DLGAP2: variants seen among roughly 807,000 people sequenced by gnomAD.
The protein encoded by DLGAP2 is disks large-associated protein 2.
A neutral mutation model predicts 100.3 loss-of-function variants in DLGAP2; 26 were observed. The observed-to-expected ratio is 0.26, with a 90% confidence interval of 0.19 to 0.36. DLGAP2 has a LOEUF of 0.36. Among genes scored for constraint, DLGAP2 ranks in the 10% least tolerant of loss-of-function variants. The pLI, the probability that DLGAP2 is intolerant of heterozygous loss-of-function variation, is 1.00. For synonymous variants in DLGAP2, 886 were observed against 630.1 expected (o/e 1.41, Z -6.08); for missense variants, 1,858 against 1,453.2 (o/e 1.28, Z -4.53).
In DLGAP2 at chr8:835,881, G is replaced by T. The variant is rs183040805; in HGVS notation, c.19-72031G>T. Among the ~76,000 whole-genome samples the T allele has an allele frequency of 2.6e-5, 4 of 152,212 alleles. No homozygotes were observed. In the East Asian group the frequency reaches 7.7e-4, roughly 29 times the overall value. ...GGCTCACCGTCGCTGTCTCAGAACT[G>T]CTTTCCTGTTACGCTGCCGTAACTG... On this transcript the variant is annotated intron_variant, in intron 1 of 14. Coordinates refer to ENST00000637795, the MANE Select transcript of DLGAP2 (RefSeq NM_001346810.2).
intron 1 of DLGAP2, among the ~76,000 whole-genome samples, chr8:750,727 C>T (rs1214591613): frequency 1.3e-5 from 2 of 152,250 alleles, no homozygotes; most frequent in Non-Finnish European, 1.5e-5. Flanking sequence ...ATGCAGCCCC[C>T]ACGGCTCGCC....
intron 4 of DLGAP2, among the ~76,000 whole-genome samples, chr8:1,529,937 G>A (rs1455753850): frequency 6.6e-6 from 1 of 152,196 alleles, no homozygotes; most frequent in Admixed American, 6.5e-5. Context: ...GTGCGAATAG[G>A]TGTGGGTCAC....
At chr8:919,088 C>A (rs1010676095) in intron 2 of DLGAP2, among the ~76,000 whole-genome samples, 1 of 152,168 alleles carries the variant, frequency 6.6e-6, no homozygotes, top group African/African-American at 2.4e-5. Flanking sequence ...TTATAAGCAT[C>A]AGCTACTGTG....
chr8:1,576,617 C>T (rs2130623203), intron 6 of DLGAP2, among the ~76,000 whole-genome samples: 1 of 152,282 alleles, frequency 6.6e-6, no homozygotes, highest in African/African-American at 2.4e-5. Flanking sequence ...ACATGTAAGT[C>T]TTTAATCCAT....
intron 6 of DLGAP2, among the ~76,000 whole-genome samples, chr8:1,626,520 C>G (rs1419481439): frequency 0.04 from 4,291 of 107,982 alleles, 9 homozygotes; most frequent in African/African-American, 0.086. Context: ...CCCATCTCTA[C>G]CCTGCAGCAG....
chr8:1,447,078 C>A (rs1215270354), intron 3 of DLGAP2, among the ~76,000 whole-genome samples: 1 of 152,174 alleles, frequency 6.6e-6, no homozygotes, highest in African/African-American at 2.4e-5. Context: ...ATTGAATACC[C>A]TTTATTTCCT....
At chr8:1,486,058 C>A (rs1034759215) in intron 3 of DLGAP2, among the ~76,000 whole-genome samples, 19 of 152,172 alleles carry the variant, frequency 1.2e-4, no homozygotes, top group Non-Finnish European at 2.6e-4. Flanking sequence ...AAAGGAAGAT[C>A]AGTCATCAGC....
At chr8:813,946 G>C (rs1796417515) in intron 1 of DLGAP2, among the ~76,000 whole-genome samples, 1 of 152,062 alleles carries the variant, frequency 6.6e-6, no homozygotes, top group African/African-American at 2.4e-5. Context: ...ATGATAAAAA[G>C]TACAGGACAT....
chr8:756,064 A>G (rs988082274), intron 1 of DLGAP2, among the ~76,000 whole-genome samples: 1 of 152,128 alleles, frequency 6.6e-6, no homozygotes, highest in Admixed American at 6.5e-5. Context: ...CCAGGCTGTG[A>G]GGGCCTTTTA....
Position 1,506,244 on chromosome 8 carries a change from C to A in DLGAP2, c.172+4813C>A, listed in dbSNP as rs903774540. Among the ~76,000 whole-genome samples, 14 of 152,260 alleles carry A rather than the reference C, an allele frequency of 9.2e-5. No homozygotes were observed. The East Asian group carries it at 2.5e-3, about 27-fold the overall frequency. ...TATTTTTGTGTGTTCTTTCAAAAAACAAAAACCCAGCTCTACCTATACTTG... is the reference window on the plus strand; with the variant it reads ...TATTTTTGTGTGTTCTTTCAAAAAAAAAAAACCCAGCTCTACCTATACTTG... On this transcript the variant is annotated intron_variant, in intron 4 of 14. Coordinates refer to ENST00000637795, the MANE Select transcript of DLGAP2 (RefSeq NM_001346810.2).
chr8:1,524,099 C>T (rs888251711), intron 4 of DLGAP2, among the ~76,000 whole-genome samples: 6 of 152,284 alleles, frequency 3.9e-5, no homozygotes, highest in African/African-American at 9.6e-5. Flanking sequence ...CCACTCTGGA[C>T]GGCAGAACTG....
chr8:1,688,815 C>A (rs1311292816), intron 12 of DLGAP2, among the ~76,000 whole-genome samples: 1 of 152,206 alleles, frequency 6.6e-6, no homozygotes, highest in East Asian at 1.9e-4. Flanking sequence ...GGAGGCACCG[C>A]ACACACTGCT....
chr8:1,515,045 G>T (rs73672782), intron 4 of DLGAP2, among the ~76,000 whole-genome samples: 2,124 of 152,054 alleles, frequency 0.014, 50 homozygotes, highest in African/African-American at 0.049. Flanking sequence ...AGACCAACGT[G>T]CAGGGATACC....
chr8:1,425,082 A>G (rs1045789659), intron 3 of DLGAP2, among the ~76,000 whole-genome samples: 1 of 152,222 alleles, frequency 6.6e-6, no homozygotes, highest in African/African-American at 2.4e-5. Flanking sequence ...AGTTTTTAGT[A>G]AACTTGTATA....
At chr8:1,686,977 GC>G in intron 12 of DLGAP2, among the ~76,000 whole-genome samples, 1 of 152,162 alleles carries the variant, frequency 6.6e-6, no homozygotes, top group Non-Finnish European at 1.5e-5. Context: ...TATCATATGT[GC>G]CCCCAATAAT....
At chr8:1,257,730 G>T (rs1368976007) in intron 2 of DLGAP2, among the ~76,000 whole-genome samples, 1 of 151,980 alleles carries the variant, frequency 6.6e-6, no homozygotes, top group East Asian at 1.9e-4. Context: ...CCGAGGGCCC[G>T]TGCAGGCCAG....
intron 1 of DLGAP2, among the ~76,000 whole-genome samples, chr8:867,473 C>T (rs1363472073): frequency 3.3e-5 from 5 of 152,164 alleles, no homozygotes; most frequent in East Asian, 3.8e-4. Flanking sequence ...TACCTTCTTT[C>T]GATACCCAAA....
chr8:894,913 G>T (rs1313477500), intron 1 of DLGAP2, among the ~76,000 whole-genome samples: 16 of 134,624 alleles, frequency 1.2e-4, no homozygotes, highest in African/African-American at 4.2e-4. Context: ...GGGGCGGGGT[G>T]GGGGGAGTGG....
chr8:1,048,916 G>T (rs181377660), intron 2 of DLGAP2, among the ~76,000 whole-genome samples: 2 of 152,148 alleles, frequency 1.3e-5, no homozygotes, highest in African/African-American at 4.8e-5. Context: ...ATTTAAAACT[G>T]CATGAACAGA....
Sources: allele counts gnomAD v4.1 joint callset (sites outside exome capture counted in the v4.1 genomes callset), GRCh38; gene constraint gnomAD v4.1.1; transcripts MANE v1.5; gene names NCBI Gene and HGNC (gene_info 2026-07-23, HGNC 2026-07-21).